The following ARFGAP3 variants were observed in gnomAD, a reference collection of about 807,000 sequenced individuals.
ARFGAP3 encodes ADP-ribosylation factor GTPase-activating protein 3.
A neutral mutation model predicts 75.0 loss-of-function variants in ARFGAP3; 72 were observed. The ratio of observed to expected loss-of-function variants is 0.96; its 90% CI spans 0.79 to 1.17. ARFGAP3 has a LOEUF of 1.17. Ranked by LOEUF, ARFGAP3 falls within the 50% of genes most tolerant of loss-of-function variation. The pLI is 0.00. For synonymous variants in ARFGAP3, 221 were observed against 217.9 expected, an observed-to-expected ratio of 1.01 and a Z score of -0.13; for missense variants, 620 against 626.6, an observed-to-expected ratio of 0.99 and a Z score of 0.11.
chr22:42,809,572 AG>A (rs1925271681), intron 12 of ARFGAP3, among the ~76,000 whole-genome samples: 1 of 151,696 alleles, frequency 6.6e-6, no homozygotes, highest in South Asian at 2.1e-4. Context: ...GGGACTACAA[AG>A]GGCATGGGGA....
At position 42,797,551 on chromosome 22, in the gene ARFGAP3, G is replaced by A. The variant is rs369499772; in HGVS notation, c.*37C>T. ...ATGTGGTTACTTGTTCATTTAAAGA[G>A]GAATTTCTCCAGGAAATACACATCA... On this transcript the variant is annotated 3_prime_UTR_variant, in exon 16 of 16. Transcript: ENST00000263245. 1 of 1,613,800 alleles carries A rather than the reference G, an allele frequency of 6.2e-7. No homozygotes were observed. The highest frequency in any genetic ancestry group is 8.5e-7 in the Non-Finnish European group (1 of 1,179,788).
intron 1 of ARFGAP3, among the ~76,000 whole-genome samples, chr22:42,851,593 TG>T (rs1927280111): frequency 6.6e-6 from 1 of 152,184 alleles, no homozygotes; most frequent in Admixed American, 6.5e-5. Context: ...CTGGGACGTG[TG>T]GAGGTCAGAA....
chr22:42,843,931 G>A (rs1926894753), intron 2 of ARFGAP3, among the ~76,000 whole-genome samples: 1 of 152,122 alleles, frequency 6.6e-6, no homozygotes, highest in African/African-American at 2.4e-5. Context: ...CTCTTAATCT[G>A]CCTTCCCCCC....
chr22:42,814,082 C>G (rs769315685), intron 11 of ARFGAP3, among the ~76,000 whole-genome samples: 41 of 152,104 alleles, frequency 2.7e-4, no homozygotes, highest in Admixed American at 7.9e-4. Flanking sequence ...GCAAATTGTT[C>G]TAGTTTCATT....
At chr22:42,815,334 A>T (rs1304657786) in intron 11 of ARFGAP3, among the ~76,000 whole-genome samples, 2 of 152,158 alleles carry the variant, frequency 1.3e-5, no homozygotes, top group Non-Finnish European at 2.9e-5. Flanking sequence ...TGCATTATAC[A>T]GGCTGCAAAG....
chr22:42,809,054 T>G, intron 12 of ARFGAP3, 164 bp from the exon 13 acceptor site: 1 of 530,026 alleles, frequency 1.9e-6, no homozygotes, highest in Non-Finnish European at 2.4e-6. Context: ...AAAGAATAAA[T>G]ACCCAAACGA....
At chr22:42,807,023 G>A in intron 14 of ARFGAP3, 50 bp downstream of exon 14, 3 of 1,521,370 alleles carry the variant, frequency 2.0e-6, no homozygotes, top group South Asian at 1.3e-5. Flanking sequence ...GATGAAATGT[G>A]TTCATACCGT....
At chr22:42,847,417 G>T in intron 2 of ARFGAP3, 97 bp downstream of exon 2, 1 of 1,076,162 alleles carries the variant, frequency 9.3e-7, no homozygotes, top group Non-Finnish European at 1.4e-6. Context: ...AGGCGACAAG[G>T]CAAGACACTG....
chr22:42,830,522 G>A (rs1010002406), intron 6 of ARFGAP3, among the ~76,000 whole-genome samples: 9 of 152,084 alleles, frequency 5.9e-5, no homozygotes, highest in Non-Finnish European at 1.0e-4. Context: ...ACTTCTTAAG[G>A]TATCATAACC....
intron 2 of ARFGAP3, among the ~76,000 whole-genome samples, chr22:42,843,432 A>G (rs2146578292): frequency 6.6e-6 from 1 of 152,094 alleles, no homozygotes; most frequent in East Asian, 1.9e-4. Flanking sequence ...ATGAGGTCTC[A>G]CTATGTTGCC....
At chr22:42,837,580 A>G (rs1926574894) in intron 3 of ARFGAP3, among the ~76,000 whole-genome samples, 1 of 136,608 alleles carries the variant, frequency 7.3e-6, no homozygotes, top group South Asian at 2.5e-4. Context: ...TGATTTTGCC[A>G]CTGCACTCCA....
intron 1 of ARFGAP3, among the ~76,000 whole-genome samples, chr22:42,848,560 G>C (rs1273284327): frequency 2.0e-5 from 3 of 152,286 alleles, no homozygotes; most frequent in Non-Finnish European, 4.4e-5. Context: ...GAGAATTTAG[G>C]TTTGTGTACC....
At chr22:42,851,647 AT>A (rs1339647696) in intron 1 of ARFGAP3, among the ~76,000 whole-genome samples, 1 of 152,190 alleles carries the variant, frequency 6.6e-6, no homozygotes, top group East Asian at 1.9e-4. Context: ...TGCTGCCTTG[AT>A]CCTCCTGCTA....
At chr22:42,822,446 T>A (rs1925855295) in intron 8 of ARFGAP3, 37 bp from the exon 9 acceptor site, 1 of 1,598,970 alleles carries the variant, frequency 6.3e-7, no homozygotes, top group Non-Finnish European at 8.5e-7. Flanking sequence ...ACACGAGCTG[T>A]TTGAAAGCTT....
intron 13 of ARFGAP3, 26 bp downstream of exon 13, chr22:42,808,741 C>T (rs2146532046): frequency 6.4e-7 from 1 of 1,570,906 alleles, no homozygotes; most frequent in Admixed American, 1.7e-5. Flanking sequence ...TTATGGGGCA[C>T]CCAAAGAAAC....
At chr22:42,851,314 G>C (rs60340491) in intron 1 of ARFGAP3, among the ~76,000 whole-genome samples, 3,617 of 152,330 alleles carry the variant, frequency 0.024, 142 homozygotes, top group African/African-American at 0.084. Flanking sequence ...GCCCAGAGCA[G>C]GCCAAGTTTG....
Position 42,840,502 on chromosome 22 carries a change from T to C in ARFGAP3, c.261+442A>G, listed in dbSNP as rs1926731900. On this transcript the variant is annotated intron_variant, in intron 3 of 15. Coordinates refer to ENST00000263245, the MANE Select transcript of ARFGAP3 (RefSeq NM_014570.5). ...TGTGATCTCGGCTCACTGCAACCTC[T>C]GCCTCCCAGGTTCATGCAACTCTCC... 2.6e-5 allele frequency among the ~76,000 whole-genome samples: 4 copies of C among 151,124 alleles called. No individual in the cohort carries two copies. In the South Asian group the frequency reaches 8.4e-4, roughly 32 times the overall value.
intron 14 of ARFGAP3, 79 bp downstream of exon 14, chr22:42,806,994 A>C: frequency 7.4e-7 from 1 of 1,345,430 alleles, no homozygotes; most frequent in Non-Finnish European, 9.9e-7. Context: ...TATCTTGGAA[A>C]AGGAAACAGT....
chr22:42,828,839 C>G (rs1926160872), intron 6 of ARFGAP3, among the ~76,000 whole-genome samples: 1 of 151,894 alleles, frequency 6.6e-6, no homozygotes. Flanking sequence ...CATGCACCAC[C>G]ATGCCTGGCT....
Sources: gnomAD v4.1 joint callset for allele counts (sites outside exome capture counted in the v4.1 genomes callset) on GRCh38, gnomAD v4.1.1 for gene constraint, MANE v1.5 for transcripts, NCBI Gene and HGNC (gene_info 2026-07-23, HGNC 2026-07-21) for gene names.